The following NUP93 variants were observed in gnomAD, a reference collection of about 807,000 sequenced individuals.
NUP93 encodes nucleoporin 93.
NUP93 carries 55 observed loss-of-function variants against 107.8 expected under a neutral mutation model. The observed-to-expected ratio is 0.51, with a 90% CI of 0.41 to 0.64. NUP93 has a LOEUF of 0.64. Among genes scored for constraint, NUP93 ranks in the 30% least tolerant of loss-of-function variants. NUP93 has a pLI of 0.00. For synonymous variants in NUP93, 390 were observed against 397.5 expected (o/e 0.98, Z 0.22); for missense variants, 937 against 1,044.7 (o/e 0.90, Z 1.42).
In NUP93 at chr16:56,823,669, C is replaced by T. The variant is rs777940506; in HGVS notation, c.655-38C>T. On this transcript the variant is annotated intron_variant, in intron 7 of 21. Coordinates refer to ENST00000308159, the MANE Select transcript of NUP93 (RefSeq NM_014669.5). Reference sequence around the variant, plus strand: ...CAAAGAACTAGATAATTTCTCTGGCCCTGCAGCATTGTCACATGCAGTTTC... The same window carrying T: ...CAAAGAACTAGATAATTTCTCTGGCTCTGCAGCATTGTCACATGCAGTTTC... 7 of 1,607,710 alleles carry T rather than the reference C, an allele frequency of 4.4e-6. No homozygotes were observed. The East Asian group carries it at 8.9e-5, about 21-fold the overall frequency.
At chr16:56,827,906 G>A (rs534242225) in intron 8 of NUP93, among the ~76,000 whole-genome samples, 1 of 152,316 alleles carries the variant, frequency 6.6e-6, no homozygotes, top group East Asian at 1.9e-4. Flanking sequence ...GATCACTTGA[G>A]GTCAGGAGTT....
intron 3 of NUP93, among the ~76,000 whole-genome samples, chr16:56,777,674 C>T (rs1056648257): frequency 9.9e-5 from 15 of 152,272 alleles, no homozygotes; most frequent in African/African-American, 3.4e-4. Context: ...GTCTCATTTT[C>T]CCCGAACTTC....
Position 56,846,769 on chromosome 16 carries a change from T to C in NUP93, c.*2160T>C, listed in dbSNP as rs1964122228. The C allele has an allele frequency of 6.6e-6, 1 of 152,220 alleles. No individual in the cohort carries two copies. The highest frequency in any genetic ancestry group is 1.5e-5 in the Non-Finnish European group (1 of 68,046). 9.4% of individuals were successfully genotyped at this position (152,220 alleles called of 1,614,324 possible). On this transcript the variant is annotated 3_prime_UTR_variant, in exon 22 of 22. Transcript: ENST00000308159. ...ATAAAGTGCAACTTAGTGCTTTGTTTTTCTAATACTAGATTTTACTTGCAG... is the reference window on the plus strand; with the variant it reads ...ATAAAGTGCAACTTAGTGCTTTGTTCTTCTAATACTAGATTTTACTTGCAG...
At chr16:56,736,068 G>A (rs1168728238) in intron 1 of NUP93, among the ~76,000 whole-genome samples, 2 of 152,144 alleles carry the variant, frequency 1.3e-5, no homozygotes, top group Non-Finnish European at 2.9e-5. Flanking sequence ...AGTGGCTCAC[G>A]CCTGTAAGGC....
At chr16:56,731,619 G>A (rs567344241) in intron 1 of NUP93, among the ~76,000 whole-genome samples, 177 of 152,176 alleles carry the variant, frequency 1.2e-3, no homozygotes, top group Non-Finnish European at 2.0e-3. Context: ...TGTTGGCCAG[G>A]CTGGTCTTGA....
rs547525372 is a variant in NUP93 at position 56,744,471 on chromosome 16, C to CA, written c.-14-3757dup. 6.8e-3 allele frequency among the ~76,000 whole-genome samples: 1,041 copies of CA among 152,166 alleles called. 12 individuals carry two copies. The highest frequency in any genetic ancestry group is 7.3e-3 in the Non-Finnish European group (498 of 67,994). Reference sequence around the variant, plus strand: ...AGATTTAATTGCACAATGATGGTAACAAAAAATGTATAAATTTGGAAACTT... The same window carrying CA: ...AGATTTAATTGCACAATGATGGTAACAAAAAAATGTATAAATTTGGAAACTT... On this transcript the variant is annotated intron_variant, in intron 1 of 21. Coordinates refer to ENST00000308159, the MANE Select transcript of NUP93 (RefSeq NM_014669.5).
chr16:56,817,496 C>CT (rs1332167769), intron 5 of NUP93, among the ~76,000 whole-genome samples: 1 of 151,988 alleles, frequency 6.6e-6, no homozygotes, highest in South Asian at 2.1e-4. Flanking sequence ...GAACATTCAG[C>CT]TTTTTTTTAT....
At chr16:56,734,343 C>A in intron 1 of NUP93, among the ~76,000 whole-genome samples, 1 of 152,104 alleles carries the variant, frequency 6.6e-6, no homozygotes, top group Admixed American at 6.5e-5. Context: ...ACTGAAAGCC[C>A]AAGTCAGCAG....
intron 4 of NUP93, among the ~76,000 whole-genome samples, chr16:56,803,852 C>G (rs1371080833): frequency 3.3e-5 from 5 of 152,040 alleles, no homozygotes; most frequent in Admixed American, 6.6e-5. Context: ...TCACTGCAAC[C>G]TCTATTCTCA....
intron 9 of NUP93, among the ~76,000 whole-genome samples, chr16:56,830,177 T>A (rs1387984374): frequency 1.3e-5 from 2 of 152,186 alleles, no homozygotes; most frequent in Non-Finnish European, 2.9e-5. Flanking sequence ...GGAGTGCATG[T>A]GTGTATATTA....
At chr16:56,818,770 G>GA in intron 6 of NUP93, 32 bp downstream of exon 6, 1 of 1,589,278 alleles carries the variant, frequency 6.3e-7, no homozygotes, top group Non-Finnish European at 8.6e-7. Flanking sequence ...ATTAAGCCAG[G>GA]AAAATCCTTT....
At chr16:56,803,747 AATAT>A (rs71149699) in intron 4 of NUP93, among the ~76,000 whole-genome samples, 128,703 of 149,660 alleles carry the variant, frequency 0.86, 55,323 homozygotes, top group East Asian at 0.99. Flanking sequence ...AACAGGGAAA[AATAT>A]ATATATATAT....
chr16:56,827,129 T>C (rs1215046572), intron 8 of NUP93, among the ~76,000 whole-genome samples: 2 of 151,976 alleles, frequency 1.3e-5, no homozygotes, highest in Admixed American at 6.6e-5. Flanking sequence ...TCTGTTGTTT[T>C]ATTTAACCTG....
chr16:56,734,080 C>T (rs1339619024), intron 1 of NUP93, among the ~76,000 whole-genome samples: 2 of 152,208 alleles, frequency 1.3e-5, no homozygotes, highest in Non-Finnish European at 2.9e-5. Context: ...GGTTCCCAGA[C>T]TCAAGGAGCC....
rs7199456 is a variant in NUP93, at chr16:56,769,226, A to G, written c.297+10571A>G. 8.9e-3 allele frequency among the ~76,000 whole-genome samples: 1,359 copies of G among 152,364 alleles called. 17 individuals are homozygous for G. The highest frequency in any genetic ancestry group is 0.031 in the African/African-American group (1,281 of 41,590). ...AAGGAGGAAAGTTAGTGAAAGTATA[A>G]AATAGAAGTATAATTGATCATTCAT... On this transcript the variant is annotated intron_variant, in intron 3 of 21. Transcript: ENST00000308159.
chr16:56,768,695 T>C (rs1393071875), intron 3 of NUP93, among the ~76,000 whole-genome samples: 1 of 148,526 alleles, frequency 6.7e-6, no homozygotes, highest in Admixed American at 6.7e-5. Flanking sequence ...TGAAACCCTG[T>C]CTCTACTAAA....
At chr16:56,735,699 G>C (rs1344274083) in intron 1 of NUP93, among the ~76,000 whole-genome samples, 1 of 152,010 alleles carries the variant, frequency 6.6e-6, no homozygotes, top group Non-Finnish European at 1.5e-5. Flanking sequence ...ATGGTGGTGC[G>C]TGCCTGTTAT....
At chr16:56,771,071 A>AT (rs1962313193) in intron 3 of NUP93, among the ~76,000 whole-genome samples, 1 of 152,162 alleles carries the variant, frequency 6.6e-6, no homozygotes, top group Admixed American at 6.5e-5. Context: ...ACATCATTTC[A>AT]TTGTCCCCTC....
chr16:56,836,111 A>G lies in NUP93; in HGVS notation c.1783-490A>G, dbSNP rs573511697. Among the ~76,000 whole-genome samples the G allele has an allele frequency of 3.0e-3, 455 of 149,658 alleles. 2 individuals are homozygous for G. The highest frequency in any genetic ancestry group is 0.011 in the African/African-American group (431 of 40,634). On this transcript the variant is annotated intron_variant, in intron 16 of 21. Transcript: ENST00000308159. Reference sequence around the variant, plus strand: ...GCCACTGCACTCCAGCCTGGGAGACAGAGCAAGACTCTGTCTCAAAAAAAA... The same window carrying G: ...GCCACTGCACTCCAGCCTGGGAGACGGAGCAAGACTCTGTCTCAAAAAAAA...
Sources: gnomAD v4.1 joint callset for allele counts (sites outside exome capture counted in the v4.1 genomes callset) on GRCh38, gnomAD v4.1.1 for gene constraint, MANE v1.5 for transcripts, NCBI Gene and HGNC (gene_info 2026-07-23, HGNC 2026-07-21) for gene names.